The following ATRNL1 variants were observed in gnomAD, a reference collection of about 807,000 sequenced individuals.
ATRNL1 encodes attractin like 1, also known as attractin-like protein 1.
In ATRNL1, 95 loss-of-function variants were observed where a neutral mutation model predicts 182.7. The ratio of observed to expected loss-of-function variants is 0.52; its 90% confidence interval spans 0.44 to 0.62. The LOEUF is 0.62. ATRNL1 is among the 20% of genes least tolerant of loss of function. The pLI, the probability that ATRNL1 is intolerant of heterozygous loss-of-function variation, is 0.00. For missense variants in ATRNL1, 1,471 were observed against 1,679.5 expected (o/e 0.88, Z 2.17); for synonymous variants, 576 against 568.3 (o/e 1.01, Z -0.19).
At chr10:115,676,580 A>G (rs1311519443) in intron 26 of ATRNL1, among the ~76,000 whole-genome samples, 1 of 151,556 alleles carries the variant, frequency 6.6e-6, no homozygotes, top group Non-Finnish European at 1.5e-5. Context: ...CTGTATCTGT[A>G]TATGTATATA....
Position 115,858,537 on chromosome 10 carries a change from C to T in ATRNL1, c.4018+10546C>T, listed in dbSNP as rs531350727. On this transcript the variant is annotated intron_variant, in intron 28 of 28. Coordinates refer to ENST00000355044, the MANE Select transcript of ATRNL1 (RefSeq NM_207303.4). ...GGGAACAACATACACTGGAGCCTGT[C>T]GGGGGAGAGAGGGGTTGTGGAGAGA... Among the ~76,000 whole-genome samples, 18 of 152,130 alleles carry T rather than the reference C, an allele frequency of 1.2e-4. No homozygotes were observed. In the South Asian group the frequency reaches 3.3e-3, roughly 28 times the overall value.
chr10:115,444,492 G>C (rs1479886649), intron 21 of ATRNL1, among the ~76,000 whole-genome samples: 2 of 151,712 alleles, frequency 1.3e-5, no homozygotes, highest in Admixed American at 1.3e-4. Context: ...ACTGATTCTA[G>C]GCAGAAAAAG....
At chr10:115,521,175 A>G (rs1043220453) in intron 25 of ATRNL1, among the ~76,000 whole-genome samples, 4 of 103,744 alleles carry the variant, frequency 3.9e-5, no homozygotes, top group Non-Finnish European at 5.9e-5. Flanking sequence ...GTTGTTGTTG[A>G]GACAGGGTCT....
chr10:115,329,055 G>A (rs1554934274), intron 18 of ATRNL1, among the ~76,000 whole-genome samples: 1 of 151,756 alleles, frequency 6.6e-6, no homozygotes. Flanking sequence ...TGTTTTTGAT[G>A]TACCAATTTA....
At chr10:115,228,291 A>G (rs549776568) in intron 9 of ATRNL1, among the ~76,000 whole-genome samples, 1 of 152,308 alleles carries the variant, frequency 6.6e-6, no homozygotes, top group South Asian at 2.1e-4. Context: ...GTAAGAGAGA[A>G]TAAACATCTT....
At chr10:115,192,941 G>T (rs113418654) in intron 8 of ATRNL1, among the ~76,000 whole-genome samples, 3,297 of 151,832 alleles carry the variant, frequency 0.022, 44 homozygotes, top group South Asian at 0.035. Flanking sequence ...AACATTACTG[G>T]ATATGTTTAT....
intron 27 of ATRNL1, among the ~76,000 whole-genome samples, chr10:115,752,509 T>C (rs1479926214): frequency 1.3e-5 from 2 of 151,942 alleles, no homozygotes; most frequent in African/African-American, 2.4e-5. Flanking sequence ...AAATAAAAGA[T>C]GAAAAGAACT....
intron 26 of ATRNL1, among the ~76,000 whole-genome samples, chr10:115,659,454 C>T (rs987291427): frequency 2.6e-5 from 4 of 152,060 alleles, no homozygotes; most frequent in African/African-American, 9.7e-5. Flanking sequence ...TGTGCATCCA[C>T]TAAGTGTCAG....
At chr10:115,626,392 A>G (rs1858104884) in intron 26 of ATRNL1, among the ~76,000 whole-genome samples, 1 of 152,174 alleles carries the variant, frequency 6.6e-6, no homozygotes, top group South Asian at 2.1e-4. Context: ...CTTAGAGGTA[A>G]TAGTAATTTG....
intron 1 of ATRNL1, among the ~76,000 whole-genome samples, chr10:115,106,979 T>C (rs1161967098): frequency 6.6e-6 from 1 of 152,140 alleles, no homozygotes; most frequent in African/African-American, 2.4e-5. Context: ...AGAGGGTAAA[T>C]AGAGGGTCAA....
At chr10:115,404,271 T>C (rs1844717225) in intron 20 of ATRNL1, among the ~76,000 whole-genome samples, 1 of 152,156 alleles carries the variant, frequency 6.6e-6, no homozygotes. Flanking sequence ...TTGAAAACAT[T>C]CTGAACACAA....
chr10:115,616,416 G>T (rs982779474), intron 26 of ATRNL1, among the ~76,000 whole-genome samples: 8 of 152,158 alleles, frequency 5.3e-5, no homozygotes, highest in Admixed American at 3.9e-4. Flanking sequence ...CAACCATGTG[G>T]TAGAAAAGAA....
chr10:115,096,810 A>G (rs1316563092), intron 1 of ATRNL1: 35 of 1,173,704 alleles, frequency 3.0e-5, no homozygotes, highest in African/African-American at 3.2e-5. Flanking sequence ...TAAAGCACTC[A>G]GAATAACAAG....
At chr10:115,165,286 G>A (rs1305170089) in intron 6 of ATRNL1, among the ~76,000 whole-genome samples, 1 of 151,770 alleles carries the variant, frequency 6.6e-6, no homozygotes, top group South Asian at 2.1e-4. Context: ...ATTATTAAAG[G>A]CAATTGGACA....
intron 26 of ATRNL1, among the ~76,000 whole-genome samples, chr10:115,717,256 T>G (rs72641363): frequency 0.019 from 2,895 of 152,272 alleles, 111 homozygotes; most frequent in East Asian, 0.19. Context: ...TTGTGCCATT[T>G]TGTTCCAGGC....
intron 28 of ATRNL1, among the ~76,000 whole-genome samples, chr10:115,920,327 A>G (rs992631542): frequency 4.6e-5 from 7 of 152,196 alleles, no homozygotes; most frequent in African/African-American, 1.7e-4. Context: ...TTGTGGTAAA[A>G]TGTGTTCTGT....
Position 115,223,675 on chromosome 10 carries a change from A to C in ATRNL1, c.1532+7795A>C, listed in dbSNP as rs1480974139. 2.6e-5 allele frequency among the ~76,000 whole-genome samples: 4 copies of C among 151,862 alleles called. No homozygotes were observed. The East Asian group carries it at 7.8e-4, about 29-fold the overall frequency. On this transcript the variant is annotated intron_variant, in intron 9 of 28. Coordinates refer to ENST00000355044, the MANE Select transcript of ATRNL1 (RefSeq NM_207303.4). ...AATACCTTATAATTGAAGCATATACATGGTTTCCAAGAACAAAGGAACTTT... is the reference window on the plus strand; with the variant it reads ...AATACCTTATAATTGAAGCATATACCTGGTTTCCAAGAACAAAGGAACTTT...
intron 27 of ATRNL1, among the ~76,000 whole-genome samples, chr10:115,732,323 T>A (rs1947823310): frequency 6.6e-6 from 1 of 152,162 alleles, no homozygotes; most frequent in Non-Finnish European, 1.5e-5. Flanking sequence ...TCAATATTAT[T>A]CTACCAATCT....
chr10:115,131,535 G>C (rs1474979810), intron 5 of ATRNL1, among the ~76,000 whole-genome samples: 3 of 152,082 alleles, frequency 2.0e-5, no homozygotes, highest in African/African-American at 4.8e-5. Flanking sequence ...AACTCATTTA[G>C]GGGAAAATGA....
Sources: gnomAD v4.1 joint callset for allele counts (sites outside exome capture counted in the v4.1 genomes callset) on GRCh38, gnomAD v4.1.1 for gene constraint, MANE v1.5 for transcripts, NCBI Gene and HGNC (gene_info 2026-07-23, HGNC 2026-07-21) for gene names.